Variants in EPB41L4A observed in about 807,000 individuals in gnomAD.
EPB41L4A encodes the protein band 4.1-like protein 4A.
In EPB41L4A, 100 loss-of-function variants were observed where a neutral mutation model predicts 108.6. The observed-to-expected ratio is 0.92, with a 90% CI of 0.78 to 1.09. EPB41L4A has a LOEUF of 1.09. Among genes scored for constraint, EPB41L4A ranks in the 50% least tolerant of loss-of-function variants. The pLI is 0.00. For synonymous variants in EPB41L4A, 319 were observed against 289.0 expected (o/e 1.10, Z -1.05); for missense variants, 1,030 against 842.7 (o/e 1.22, Z -2.75).
chr5:112,357,820 G>A (rs148288059), intron 1 of EPB41L4A, among the ~76,000 whole-genome samples: 3 of 152,274 alleles, frequency 2.0e-5, no homozygotes, highest in East Asian at 1.9e-4. Context: ...AGAGCTATGT[G>A]GATGGACCAC....
intron 18 of EPB41L4A, among the ~76,000 whole-genome samples, chr5:112,172,136 A>C (rs1760614391): frequency 6.6e-6 from 1 of 152,208 alleles, no homozygotes; most frequent in Non-Finnish European, 1.5e-5. Context: ...AGGATGAGAC[A>C]AAACATGAAA....
chr5:112,416,429 T>G (rs1405764402), intron 1 of EPB41L4A, among the ~76,000 whole-genome samples: 1 of 152,136 alleles, frequency 6.6e-6, no homozygotes, highest in African/African-American at 2.4e-5. Context: ...AATGTAAAAT[T>G]AGCCATCTTC....
chr5:112,252,153 G>T (rs572914426), intron 9 of EPB41L4A, among the ~76,000 whole-genome samples: 1 of 152,304 alleles, frequency 6.6e-6, no homozygotes, highest in South Asian at 2.1e-4. Flanking sequence ...GCTATGGACA[G>T]AACTGGAAGT....
intron 18 of EPB41L4A, among the ~76,000 whole-genome samples, chr5:112,174,184 T>C (rs1209567642): frequency 6.6e-6 from 1 of 152,240 alleles, no homozygotes. Context: ...ATTTCACAAA[T>C]GTCAACACAA....
intron 12 of EPB41L4A, among the ~76,000 whole-genome samples, chr5:112,217,417 G>A (rs1348717522): frequency 2.0e-5 from 3 of 152,100 alleles, no homozygotes; most frequent in Non-Finnish European, 4.4e-5. Context: ...AGAATTCCTG[G>A]GCTGAATACA....
At chr5:112,156,735 A>AT (rs1759661214) in intron 12 of EPB41L4A, among the ~76,000 whole-genome samples, 1 of 152,212 alleles carries the variant, frequency 6.6e-6, no homozygotes, top group South Asian at 2.1e-4. Context: ...CCTTCAGTTG[A>AT]TCACAGATCC....
intron 1 of EPB41L4A, among the ~76,000 whole-genome samples, chr5:112,417,988 G>C (rs867602308): frequency 5.9e-5 from 9 of 152,188 alleles, no homozygotes; most frequent in South Asian, 2.1e-4. Context: ...AAGCGACTAA[G>C]AGAGGATACT....
At chr5:112,271,969 C>A (rs2150480001) in intron 4 of EPB41L4A, among the ~76,000 whole-genome samples, 1 of 152,192 alleles carries the variant, frequency 6.6e-6, no homozygotes, top group Admixed American at 6.5e-5. Context: ...CAAGCGGGGA[C>A]TCCAAGTTGA....
chr5:112,398,578 G>A (rs1392023049), intron 1 of EPB41L4A, among the ~76,000 whole-genome samples: 8 of 152,086 alleles, frequency 5.3e-5, no homozygotes, highest in East Asian at 3.9e-4. Context: ...TAGTAGAGAC[G>A]GTGTTTTGTC....
chr5:112,271,716 G>T (rs1273652951), intron 4 of EPB41L4A, among the ~76,000 whole-genome samples: 2 of 152,216 alleles, frequency 1.3e-5, no homozygotes, highest in Non-Finnish European at 2.9e-5. Flanking sequence ...CAGCTCTCCT[G>T]AGGACACGAA....
intron 1 of EPB41L4A, among the ~76,000 whole-genome samples, chr5:112,378,503 A>G (rs1451114813): frequency 6.6e-6 from 1 of 152,232 alleles, no homozygotes; most frequent in African/African-American, 2.4e-5. Flanking sequence ...AGCCATAAGA[A>G]ATATAGAGAA....
chr5:112,182,406 A>T (rs905958953), intron 18 of EPB41L4A, among the ~76,000 whole-genome samples: 1 of 152,182 alleles, frequency 6.6e-6, no homozygotes, highest in African/African-American at 2.4e-5. Context: ...TCTATTTCCC[A>T]ATTTTTATTT....
intron 1 of EPB41L4A, among the ~76,000 whole-genome samples, chr5:112,385,580 C>T (rs1178889001): frequency 6.6e-6 from 1 of 150,634 alleles, no homozygotes; most frequent in Non-Finnish European, 1.5e-5. Flanking sequence ...AATCCTTTAA[C>T]CAGTCTGTCT....
At chr5:112,382,454 G>C (rs1561627249) in intron 1 of EPB41L4A, among the ~76,000 whole-genome samples, 1 of 152,176 alleles carries the variant, frequency 6.6e-6, no homozygotes. Context: ...CTTGGGAATG[G>C]CCAATGGTAA....
chr5:112,351,585 G>A (rs35445839), intron 1 of EPB41L4A, among the ~76,000 whole-genome samples: 10,103 of 152,160 alleles, frequency 0.066, 408 homozygotes, highest in Middle Eastern at 0.099. Context: ...AAAACCTGAA[G>A]AGGAGGGAAT....
intron 12 of EPB41L4A, among the ~76,000 whole-genome samples, chr5:112,152,180 T>C (rs1759493592): frequency 4.3e-5 from 6 of 138,694 alleles, no homozygotes; most frequent in Admixed American, 4.2e-4. Context: ...AAGACCAAAA[T>C]ATAAAAAAAG....
intron 1 of EPB41L4A, among the ~76,000 whole-genome samples, chr5:112,394,767 G>A (rs1200692376): frequency 6.6e-6 from 1 of 151,952 alleles, no homozygotes; most frequent in East Asian, 2.0e-4. Context: ...AACCAAAAAA[G>A]AGCCCACATT....
chr5:112,326,916 A>G (rs1285795796), intron 1 of EPB41L4A, among the ~76,000 whole-genome samples: 1 of 152,210 alleles, frequency 6.6e-6, no homozygotes, highest in Non-Finnish European at 1.5e-5. Flanking sequence ...GATTCATTAA[A>G]AAAATATTCA....
At chr5:112,210,998 T>C (rs1368441573) in intron 12 of EPB41L4A, among the ~76,000 whole-genome samples, 1 of 152,152 alleles carries the variant, frequency 6.6e-6, no homozygotes, top group African/African-American at 2.4e-5. Flanking sequence ...TAATATTTAT[T>C]GAGTACTTAC....
Sources: allele counts gnomAD v4.1 joint callset (sites outside exome capture counted in the v4.1 genomes callset), GRCh38; gene constraint gnomAD v4.1.1; transcripts MANE v1.5; gene names NCBI Gene and HGNC (gene_info 2026-07-23, HGNC 2026-07-21).